Variants in MAGI2 observed in about 807,000 individuals in gnomAD.
MAGI2 encodes membrane-associated guanylate kinase, WW and PDZ domain-containing protein 2.
MAGI2 carries 35 observed loss-of-function variants against 133.3 expected under a neutral mutation model. The observed-to-expected ratio is 0.26, with a 90% confidence interval of 0.20 to 0.35. The LOEUF is 0.35. Among genes scored for constraint, MAGI2 ranks in the 10% least tolerant of loss-of-function variants. The pLI, the probability that MAGI2 is intolerant of heterozygous loss-of-function variation, is 1.00. For synonymous variants in MAGI2, 729 were observed against 710.6 expected, an observed-to-expected ratio of 1.03 and a Z score of -0.41; for missense variants, 1,636 against 1,863.4, an observed-to-expected ratio of 0.88 and a Z score of 2.25.
At chr7:78,422,445 T>C (rs1165246223) in intron 6 of MAGI2, among the ~76,000 whole-genome samples, 1 of 152,094 alleles carries the variant, frequency 6.6e-6, no homozygotes, top group Non-Finnish European at 1.5e-5. Context: ...AGGCAAACAC[T>C]TGTTATAAGT....
chr7:78,853,047 A>G (rs1793277027), intron 2 of MAGI2, among the ~76,000 whole-genome samples: 1 of 152,110 alleles, frequency 6.6e-6, no homozygotes, highest in South Asian at 2.1e-4. Flanking sequence ...AGAGCTTTTC[A>G]TGAGGAACAA....
At chr7:78,296,778 C>CTA (rs1413874930) in intron 9 of MAGI2, among the ~76,000 whole-genome samples, 1 of 151,884 alleles carries the variant, frequency 6.6e-6, no homozygotes, top group Non-Finnish European at 1.5e-5. Context: ...TAAATGCATG[C>CTA]TATTTGCTGA....
At chr7:78,079,553 G>T (rs115677105) in intron 20 of MAGI2, among the ~76,000 whole-genome samples, 2 of 152,144 alleles carry the variant, frequency 1.3e-5, no homozygotes, top group Admixed American at 6.6e-5. Context: ...GCTTCTCTGA[G>T]AATTTTTTGT....
chr7:78,160,762 T>G (rs1044621934), intron 15 of MAGI2, among the ~76,000 whole-genome samples: 1 of 152,224 alleles, frequency 6.6e-6, no homozygotes, highest in Admixed American at 6.5e-5. Context: ...GCATCAAGTT[T>G]CAAGGCTACA....
intron 9 of MAGI2, among the ~76,000 whole-genome samples, chr7:78,273,444 G>T (rs1324827137): frequency 6.6e-6 from 1 of 152,134 alleles, no homozygotes; most frequent in Non-Finnish European, 1.5e-5. Context: ...GAGTATCTTT[G>T]TGGTGTTCTC....
intron 2 of MAGI2, among the ~76,000 whole-genome samples, chr7:78,722,400 T>C (rs760993993): frequency 1.1e-4 from 16 of 152,178 alleles, no homozygotes; most frequent in Admixed American, 7.9e-4. Flanking sequence ...ATAGGTTTCA[T>C]AGGCCTAACA....
intron 20 of MAGI2, among the ~76,000 whole-genome samples, chr7:78,112,466 A>G (rs1388020966): frequency 6.6e-6 from 1 of 152,170 alleles, no homozygotes; most frequent in Non-Finnish European, 1.5e-5. Context: ...CTGAACAGGG[A>G]CGATGTATTT....
intron 2 of MAGI2, among the ~76,000 whole-genome samples, chr7:78,660,914 A>AC (rs974423232): frequency 6.6e-6 from 1 of 152,138 alleles, no homozygotes; most frequent in Non-Finnish European, 1.5e-5. Context: ...TTGAAACAGC[A>AC]CTGATAAGGC....
intron 2 of MAGI2, among the ~76,000 whole-genome samples, chr7:78,665,297 T>C (rs1430188113): frequency 1.3e-5 from 2 of 152,166 alleles, no homozygotes; most frequent in Non-Finnish European, 2.9e-5. Flanking sequence ...AAAATCATTA[T>C]ATGGAATGTG....
chr7:78,440,510 T>C (rs1207341544), intron 6 of MAGI2, among the ~76,000 whole-genome samples: 1 of 152,166 alleles, frequency 6.6e-6, no homozygotes, highest in Non-Finnish European at 1.5e-5. Flanking sequence ...GCCAGTTTGC[T>C]ATATGGAATA....
intron 2 of MAGI2, among the ~76,000 whole-genome samples, chr7:78,930,216 T>C (rs926342264): frequency 2.0e-5 from 3 of 152,130 alleles, no homozygotes; most frequent in Non-Finnish European, 4.4e-5. Flanking sequence ...ATTTGGCTAA[T>C]ACAGCTCAGT....
chr7:78,814,599 T>C (rs1278827514), intron 2 of MAGI2, among the ~76,000 whole-genome samples: 2 of 152,226 alleles, frequency 1.3e-5, no homozygotes, highest in Admixed American at 6.5e-5. Flanking sequence ...AAATGAAATA[T>C]ACAATTTTAT....
At chr7:78,255,119 G>A (rs1461970010) in intron 10 of MAGI2, 1 of 152,224 alleles carries the variant, frequency 6.6e-6, no homozygotes, top group Non-Finnish European at 1.5e-5. Context: ...CTCTCTCTAG[G>A]TTCACTGGTC....
chr7:79,175,685 C>G (rs1199538027), intron 1 of MAGI2, among the ~76,000 whole-genome samples: 1 of 151,996 alleles, frequency 6.6e-6, no homozygotes, highest in Non-Finnish European at 1.5e-5. Flanking sequence ...TGTAGGATAG[C>G]CTATTGCTCC....
chr7:78,635,492 G>C (rs555433301), intron 2 of MAGI2, among the ~76,000 whole-genome samples: 10 of 152,282 alleles, frequency 6.6e-5, no homozygotes, highest in Non-Finnish European at 2.9e-5. Context: ...AGTGCTTGCC[G>C]CATGGCAGGT....
chr7:78,772,429 G>T (rs1825668756), intron 2 of MAGI2, among the ~76,000 whole-genome samples: 1 of 152,200 alleles, frequency 6.6e-6, no homozygotes, highest in Non-Finnish European at 1.5e-5. Context: ...GGAGCATGAT[G>T]ATACTGGTGC....
chr7:78,874,872 A>G (rs2151529854), intron 2 of MAGI2, among the ~76,000 whole-genome samples: 1 of 152,282 alleles, frequency 6.6e-6, no homozygotes, highest in South Asian at 2.1e-4. Flanking sequence ...TCAAAACCTC[A>G]CATTCTACCC....
intron 1 of MAGI2, among the ~76,000 whole-genome samples, chr7:79,195,537 T>C (rs1249957447): frequency 6.6e-6 from 1 of 151,960 alleles, no homozygotes; most frequent in Non-Finnish European, 1.5e-5. Context: ...ACTTTGAAAA[T>C]GGAAAAGTGA....
chr7:79,420,516 G>C (rs369398886), intron 1 of MAGI2, among the ~76,000 whole-genome samples: 4 of 151,714 alleles, frequency 2.6e-5, no homozygotes, highest in African/African-American at 7.3e-5. Flanking sequence ...TCTCTTCTGT[G>C]ATCAATGTGA....
Sources: gnomAD v4.1 joint callset for allele counts (sites outside exome capture counted in the v4.1 genomes callset) on GRCh38, gnomAD v4.1.1 for gene constraint, MANE v1.5 for transcripts, NCBI Gene and HGNC (gene_info 2026-07-23, HGNC 2026-07-21) for gene names.